Variants in COQ2 observed in about 807,000 individuals in gnomAD.
COQ2 encodes the protein coenzyme Q2, polyprenyltransferase, also known as 4-hydroxybenzoate polyprenyltransferase, mitochondrial.
A neutral mutation model predicts 35.7 loss-of-function variants in COQ2; 25 were observed. The observed-to-expected ratio is 0.70, with a 90% CI of 0.51 to 0.98. The LOEUF is 0.98. COQ2 is among the 50% of genes least tolerant of loss of function. The pLI, the probability that COQ2 is intolerant of heterozygous loss-of-function variation, is 0.00. For synonymous variants in COQ2, 206 were observed against 186.2 expected (o/e 1.11, Z -0.86); for missense variants, 488 against 473.5 (o/e 1.03, Z -0.28).
chr4:83,285,003 A>G (rs995492111), upstream of COQ2: 2 of 923,566 alleles, frequency 2.2e-6, no homozygotes, highest in Non-Finnish European at 3.1e-6. Context: ...TTTAGTTGTA[A>G]TTTTTTACAA....
Position 83,273,328 on chromosome 4 carries a change from C to A in COQ2, c.542+168G>T, listed in dbSNP as rs562339387. Among the ~76,000 whole-genome samples the A allele has an allele frequency of 3.9e-5, 6 of 152,306 alleles. No homozygotes were observed. In the East Asian group the frequency reaches 1.2e-3, roughly 29 times the overall value. On this transcript the variant is annotated intron_variant, in intron 3 of 6. Coordinates refer to ENST00000647002, the MANE Select transcript of COQ2 (RefSeq NM_001358921.2). Reference sequence around the variant, plus strand: ...CTTAACTCCTTTGGCTGAAAGCATTCTTGAAGCAGATTTAAAAATGTGTGG... The same window carrying A: ...CTTAACTCCTTTGGCTGAAAGCATTATTGAAGCAGATTTAAAAATGTGTGG...
chr4:83,283,419 C>G (rs1297044861), intron 1 of COQ2: 3 of 985,284 alleles, frequency 3.0e-6, no homozygotes, highest in Admixed American at 1.2e-4. Flanking sequence ...CCAGGTCAGG[C>G]TCGTATTCTT....
At chr4:83,281,779 C>T (rs80267395) in intron 1 of COQ2, among the ~76,000 whole-genome samples, 2,938 of 152,192 alleles carry the variant, frequency 0.019, 68 homozygotes, top group Non-Finnish European at 0.026. Flanking sequence ...CAGAAACTGA[C>T]GCAGAGAGGG....
At chr4:83,266,409 G>C (rs1247237242) in intron 6 of COQ2, among the ~76,000 whole-genome samples, 2 of 150,936 alleles carry the variant, frequency 1.3e-5, no homozygotes, top group Non-Finnish European at 2.9e-5. Context: ...CCAGGCTGGA[G>C]TGCAGTGGTG....
At chr4:83,279,300 AAAGAG>A (rs1238102325) in intron 1 of COQ2, among the ~76,000 whole-genome samples, 186 bp from the exon 2 acceptor site, 1 of 145,398 alleles carries the variant, frequency 6.9e-6, no homozygotes, top group Non-Finnish European at 1.5e-5. Context: ...TGCCTAGAAG[AAAGAG>A]ATCAACAGTC....
At chr4:83,284,825 G>A, upstream of COQ2, 1 of 1,562,570 alleles carries the variant, frequency 6.4e-7, no homozygotes, top group Non-Finnish European at 8.6e-7. Flanking sequence ...CATGCGCAGT[G>A]GCACCCGCAG....
intron 3 of COQ2, among the ~76,000 whole-genome samples, 161 bp from the exon 4 acceptor site, chr4:83,272,333 A>G (rs1017550892): frequency 3.3e-5 from 5 of 152,240 alleles, no homozygotes; most frequent in African/African-American, 9.6e-5. Flanking sequence ...TTTCCCTATT[A>G]TAAAGGATGA....
At position 83,278,586 on chromosome 4, in the gene COQ2, G is replaced by A. The variant is rs1051690465; in HGVS notation, c.420+362C>T. Among the ~76,000 whole-genome samples, 4 of 152,314 alleles carry A rather than the reference G, an allele frequency of 2.6e-5. No individual in the cohort carries two copies. In the East Asian group the frequency reaches 7.7e-4, roughly 29 times the overall value. On this transcript the variant is annotated intron_variant, in intron 2 of 6. Transcript: ENST00000647002. ...CTTGATTTACGTAAGAATAGTTAGG[G>A]CTCTAAAATACATCTTAAAGGAAGG...
chr4:83,268,532 T>C (rs1163690297), intron 5 of COQ2, among the ~76,000 whole-genome samples: 1 of 152,216 alleles, frequency 6.6e-6, no homozygotes, highest in East Asian at 1.9e-4. Context: ...TGTGGGTGTT[T>C]CTGTTTTTCC....
chr4:83,277,124 C>T (rs1300426268), intron 2 of COQ2, among the ~76,000 whole-genome samples: 1 of 152,150 alleles, frequency 6.6e-6, no homozygotes, highest in Non-Finnish European at 1.5e-5. Flanking sequence ...CCAGACTTCA[C>T]CACTACACAC....
intron 6 of COQ2, among the ~76,000 whole-genome samples, chr4:83,265,736 T>C (rs1734902727): frequency 6.6e-6 from 1 of 152,076 alleles, no homozygotes; most frequent in South Asian, 2.1e-4. Flanking sequence ...CCATCTTGGC[T>C]CACTGTAACC....
chr4:83,264,222 T>A lies in COQ2; in HGVS notation c.1093A>T (p.Ile365Leu), dbSNP rs773516481. Residue 365 changes from isoleucine (I) to leucine (L), a missense_variant, in exon 7 of 7, where the codon ATA becomes TTA. Coordinates refer to ENST00000647002, the MANE Select transcript of COQ2 (RefSeq NM_001358921.2). ...CATTAATTTTCTATTTTATTCTCTA[T>A]ACCCTTCTTTGTTTTGTCTGTCTTC... Reference protein sequence around the residue: ...EKKTDKTKKGIENKIEN With the variant: ...EKKTDKTKKGLENKIEN 3.3e-6 allele frequency: 5 copies of A among 1,512,428 alleles called. No individual in the cohort carries two copies. The Admixed American group carries it at 8.9e-5, about 27-fold the overall frequency. The allele number at this position is 1,512,428 out of a possible 1,614,324, so 93.7% of individuals were successfully genotyped here.
At chr4:83,283,812 G>A (rs1735385151) in intron 1 of COQ2, 1 of 985,428 alleles carries the variant, frequency 1.0e-6, no homozygotes, top group Non-Finnish European at 1.2e-6. Flanking sequence ...AAGAAAAATT[G>A]CGGATAAAGC....
intron 1 of COQ2, among the ~76,000 whole-genome samples, chr4:83,279,777 A>C (rs1249099913): frequency 6.6e-6 from 1 of 151,834 alleles, no homozygotes; most frequent in Non-Finnish European, 1.5e-5. Flanking sequence ...TGAATATTGT[A>C]TCATATACAC....
intron 1 of COQ2, 47 bp downstream of exon 1, chr4:83,284,465 A>G (rs13113787): frequency 6.6e-7 from 1 of 1,519,904 alleles, no homozygotes. Flanking sequence ...GCCGACTCGG[A>G]GGCTGCTACT....
At chr4:83,271,258 T>C (rs964397796) in intron 4 of COQ2, among the ~76,000 whole-genome samples, 1 of 152,156 alleles carries the variant, frequency 6.6e-6, no homozygotes, top group Non-Finnish European at 1.5e-5. Context: ...CTGGAGACCA[T>C]AGGAGGCTCT....
intron 3 of COQ2, among the ~76,000 whole-genome samples, chr4:83,272,422 A>T (rs968786553): frequency 6.6e-6 from 1 of 152,248 alleles, no homozygotes; most frequent in African/African-American, 2.4e-5. Flanking sequence ...TGTATTAAGC[A>T]CTATTCTAAG....
intron 2 of COQ2, among the ~76,000 whole-genome samples, chr4:83,275,038 AGGTG>A (rs1735134761): frequency 6.6e-6 from 1 of 152,004 alleles, no homozygotes; most frequent in Non-Finnish European, 1.5e-5. Flanking sequence ...CTTGGCTGAG[AGGTG>A]GTATTTTTCA....
Position 83,263,862 on chromosome 4 carries a change from T to A in COQ2, c.*337A>T, listed in dbSNP as rs145801680. On this transcript the variant is annotated 3_prime_UTR_variant, in exon 7 of 7. Transcript: ENST00000647002. ...TTTTATTTTTCCCTAAAAAAAAGAG[T>A]CCATTTTCTTATACAGACATTCATT... 0.015 allele frequency: 2,302 copies of A among 157,622 alleles called. 34 individuals carry two copies. The highest frequency in any genetic ancestry group is 0.021 in the Non-Finnish European group (1,499 of 71,986). 9.8% of individuals were successfully genotyped at this position (157,622 alleles called of 1,614,324 possible).
Sources: allele counts gnomAD v4.1 joint callset (sites outside exome capture counted in the v4.1 genomes callset), GRCh38; gene constraint gnomAD v4.1.1; transcripts MANE v1.5; gene names NCBI Gene and HGNC (gene_info 2026-07-23, HGNC 2026-07-21).